Variants in UXS1 observed in about 807,000 individuals in gnomAD.
UXS1 encodes UDP-glucuronic acid decarboxylase 1.
UXS1 carries 33 observed loss-of-function variants against 62.6 expected under a neutral mutation model. The observed-to-expected ratio is 0.53, with a 90% CI of 0.40 to 0.70. The LOEUF (loss-of-function observed/expected upper bound fraction) is 0.70, where lower values mean the gene tolerates loss of function less well. Ranked by LOEUF, UXS1 falls within the 30% of genes least tolerant of loss-of-function variation. UXS1 has a pLI of 0.00. For synonymous variants in UXS1, 213 were observed against 206.8 expected (o/e 1.03, Z -0.26); for missense variants, 434 against 556.3 (o/e 0.78, Z 2.21).
At chr2:106,144,441 C>T (rs1195761942) in intron 6 of UXS1, among the ~76,000 whole-genome samples, 1 of 152,068 alleles carries the variant, frequency 6.6e-6, no homozygotes, top group East Asian at 1.9e-4. Context: ...GTCACTCAAA[C>T]GAAAAGGCAA....
intron 13 of UXS1, 100 bp from the exon 14 acceptor site, chr2:106,096,921 A>G (rs1677161084): frequency 8.7e-7 from 1 of 1,150,304 alleles, no homozygotes; most frequent in Non-Finnish European, 1.3e-6. Context: ...ATGTGGTGTG[A>G]ATAGGGTGCA....
intron 5 of UXS1, among the ~76,000 whole-genome samples, chr2:106,151,668 A>G (rs1355509191): frequency 1.3e-5 from 2 of 152,240 alleles, no homozygotes; most frequent in African/African-American, 2.4e-5. Flanking sequence ...TTTGTGATCA[A>G]TCTGACAACA....
intron 7 of UXS1, among the ~76,000 whole-genome samples, chr2:106,127,683 G>C (rs1487503705): frequency 6.6e-6 from 1 of 152,192 alleles, no homozygotes; most frequent in African/African-American, 2.4e-5. Context: ...AAAGTTCATG[G>C]CATCTTGTCT....
At chr2:106,103,405 G>A (rs2104847974) in intron 11 of UXS1, among the ~76,000 whole-genome samples, 1 of 152,318 alleles carries the variant, frequency 6.6e-6, no homozygotes, top group Non-Finnish European at 1.5e-5. Context: ...ACATAACCGA[G>A]GACAGCAAGA....
chr2:106,145,053 T>C (rs2104996470), intron 6 of UXS1, 137 bp downstream of exon 6: 3 of 943,384 alleles, frequency 3.2e-6, no homozygotes, highest in Non-Finnish European at 4.7e-6. Context: ...ACCTCATACA[T>C]ATTGAGACAT....
At chr2:106,095,497 T>C (rs951958044) in intron 14 of UXS1, among the ~76,000 whole-genome samples, 1 of 152,256 alleles carries the variant, frequency 6.6e-6, no homozygotes, top group Non-Finnish European at 1.5e-5. Flanking sequence ...CACTCAGCTC[T>C]GACTATGCAC....
chr2:106,142,773 C>T (rs543370613), intron 6 of UXS1, among the ~76,000 whole-genome samples: 1 of 152,184 alleles, frequency 6.6e-6, no homozygotes, highest in East Asian at 1.9e-4. Context: ...AAACAGGCTT[C>T]AAACCACAGA....
chr2:106,187,066 T>C (rs777106715), intron 1 of UXS1, among the ~76,000 whole-genome samples: 3 of 151,842 alleles, frequency 2.0e-5, no homozygotes, highest in Non-Finnish European at 4.4e-5. Context: ...ATATAAAATA[T>C]ATACAAAAAA....
intron 10 of UXS1, among the ~76,000 whole-genome samples, chr2:106,105,143 C>CT: frequency 6.6e-6 from 1 of 152,238 alleles, no homozygotes; most frequent in South Asian, 2.1e-4. Context: ...ATGTGAGGCT[C>CT]TGGGGGGCTG....
At chr2:106,138,358 A>AG in intron 6 of UXS1, 1 of 985,582 alleles carries the variant, frequency 1.0e-6, no homozygotes, top group Non-Finnish European at 1.2e-6. Flanking sequence ...TCCTCACTAG[A>AG]CGATGAGCTC....
At chr2:106,187,742 CTTTT>C (rs1342715749) in intron 1 of UXS1, among the ~76,000 whole-genome samples, 2 of 139,450 alleles carry the variant, frequency 1.4e-5, no homozygotes, top group Non-Finnish European at 1.6e-5. Context: ...CTGTAATTTC[CTTTT>C]TTTTTTTTTT....
At chr2:106,136,921 TAAAAAAAGAAAA>T (rs1175514456) in intron 6 of UXS1, among the ~76,000 whole-genome samples, 1 of 62,494 alleles carries the variant, frequency 1.6e-5, no homozygotes, top group African/African-American at 6.1e-5. Flanking sequence ...ATAATAATAA[TAAAAAAAGAAAA>T]AAAAAAAGAA....
chr2:106,136,357 T>C (rs1680637398), intron 6 of UXS1, among the ~76,000 whole-genome samples: 1 of 149,072 alleles, frequency 6.7e-6, no homozygotes, highest in Admixed American at 6.7e-5. Context: ...AGTGTGGCGA[T>C]TCCTCAGGGA....
chr2:106,179,759 C>A (rs1684123464), intron 1 of UXS1, among the ~76,000 whole-genome samples: 1 of 152,240 alleles, frequency 6.6e-6, no homozygotes, highest in African/African-American at 2.4e-5. Context: ...TGATATAAAT[C>A]TACCAATGAG....
chr2:106,114,654 G>T (rs566003185), intron 9 of UXS1, among the ~76,000 whole-genome samples: 24 of 152,236 alleles, frequency 1.6e-4, no homozygotes, highest in African/African-American at 5.3e-4. Flanking sequence ...ACAATATTCC[G>T]GAACATGGCC....
chr2:106,095,344 C>G (rs139032768), intron 14 of UXS1, among the ~76,000 whole-genome samples: 116 of 152,262 alleles, frequency 7.6e-4, no homozygotes, highest in Admixed American at 2.5e-3. Flanking sequence ...TTTGTGAAGT[C>G]TGGGTGTAAT....
At chr2:106,113,384 A>T (rs1678783245) in intron 9 of UXS1, among the ~76,000 whole-genome samples, 2 of 152,222 alleles carry the variant, frequency 1.3e-5, no homozygotes, top group Admixed American at 1.3e-4. Context: ...GGAAAGAGAA[A>T]CATACTGACA....
rs977766929 is a variant in UXS1, at chr2:106,178,040, C to T, written c.95-11957G>A. ...GCCAGAAGAACTCCTCTGTACAAACCTCTTCCATCGCAGGCGCTACTAAAT... is the reference window on the plus strand; with the variant it reads ...GCCAGAAGAACTCCTCTGTACAAACTTCTTCCATCGCAGGCGCTACTAAAT... On this transcript the variant is annotated intron_variant, in intron 1 of 14. Transcript: ENST00000283148. 2.0e-5 allele frequency among the ~76,000 whole-genome samples: 3 copies of T among 152,336 alleles called. No homozygotes were observed. The South Asian group carries it at 6.2e-4, about 32-fold the overall frequency.
chr2:106,187,742 C>CTTTTT (rs1342715749), intron 1 of UXS1, among the ~76,000 whole-genome samples: 1 of 139,478 alleles, frequency 7.2e-6, no homozygotes. Context: ...CTGTAATTTC[C>CTTTTT]TTTTTTTTTT....
Sources: allele counts gnomAD v4.1 joint callset (sites outside exome capture counted in the v4.1 genomes callset), GRCh38; gene constraint gnomAD v4.1.1; transcripts MANE v1.5; gene names NCBI Gene and HGNC (gene_info 2026-07-23, HGNC 2026-07-21).